LPAR1: variants seen among roughly 807,000 people sequenced by gnomAD.
LPAR1 encodes the protein LPA receptor 1.
A neutral mutation model predicts 23.8 loss-of-function variants in LPAR1; 5 were observed. The observed-to-expected ratio is 0.21, with a 90% CI of 0.11 to 0.44. The LOEUF is 0.44. Ranked by LOEUF, LPAR1 falls within the 20% of genes least tolerant of loss-of-function variation. The pLI, the probability that LPAR1 is intolerant of heterozygous loss-of-function variation, is 0.99. For synonymous variants in LPAR1, 160 were observed against 164.7 expected (o/e 0.97, Z 0.22); for missense variants, 311 against 482.8 (o/e 0.64, Z 3.33).
intron 4 of LPAR1, among the ~76,000 whole-genome samples, chr9:110,971,728 AC>A (rs746942616): frequency 1.3e-5 from 1 of 74,792 alleles, no homozygotes; most frequent in South Asian, 3.9e-4. Flanking sequence ...ACCCCACCCC[AC>A]CCCCCGGCCC....
In LPAR1 at chr9:110,875,328, T is replaced by C; in HGVS notation, c.*93A>G. On this transcript the variant is annotated 3_prime_UTR_variant, in exon 6 of 6. Coordinates refer to ENST00000683809, the MANE Select transcript of LPAR1 (RefSeq NM_001351411.2). Reference sequence around the variant, plus strand: ...TAAGTACATGAGTTGACTTTTCTCCTCTCTCACACCCCACCTTGCCCTGGC... The same window carrying C: ...TAAGTACATGAGTTGACTTTTCTCCCCTCTCACACCCCACCTTGCCCTGGC... 1 of 1,121,394 alleles carries C rather than the reference T, an allele frequency of 8.9e-7. No individual in the cohort carries two copies. Among genetic ancestry groups the C allele is most frequent in the South Asian group, 1.7e-5 (1 of 59,338 alleles). The allele number at this position is 1,121,394 out of a possible 1,614,324, so 69.5% of individuals were successfully genotyped here.
chr9:110,879,182 C>T (rs181935372), intron 5 of LPAR1, among the ~76,000 whole-genome samples: 7 of 152,018 alleles, frequency 4.6e-5, no homozygotes, highest in African/African-American at 9.6e-5. Context: ...TTTGGGAGGC[C>T]GAGGTGGGTG....
chr9:111,002,100 A>C (rs900508917), intron 2 of LPAR1, among the ~76,000 whole-genome samples: 18 of 152,140 alleles, frequency 1.2e-4, no homozygotes, highest in African/African-American at 3.9e-4. Flanking sequence ...TTTACCTGGA[A>C]ATAACAGTGG....
chr9:110,949,694 T>G (rs1433113213), intron 4 of LPAR1, among the ~76,000 whole-genome samples: 1 of 152,312 alleles, frequency 6.6e-6, no homozygotes, highest in East Asian at 1.9e-4. Flanking sequence ...CAACATGAAT[T>G]ATGAGTTAAT....
At chr9:111,034,897 C>T (rs1182922439) in intron 2 of LPAR1, among the ~76,000 whole-genome samples, 1 of 152,178 alleles carries the variant, frequency 6.6e-6, no homozygotes, top group Non-Finnish European at 1.5e-5. Context: ...TGTCTTCATT[C>T]CCCCACCATT....
At chr9:110,951,139 T>C (rs1231735925) in intron 4 of LPAR1, among the ~76,000 whole-genome samples, 3 of 152,138 alleles carry the variant, frequency 2.0e-5, no homozygotes, top group East Asian at 1.9e-4. Context: ...GTAATAATAC[T>C]TAAAAACTGA....
At chr9:110,987,568 C>T (rs969828059) in intron 2 of LPAR1, among the ~76,000 whole-genome samples, 1 of 151,608 alleles carries the variant, frequency 6.6e-6, no homozygotes, top group African/African-American at 2.4e-5. Context: ...AACTCTTTCG[C>T]TATTGCAAGT....
At chr9:110,939,586 G>C (rs1219173233) in intron 5 of LPAR1, among the ~76,000 whole-genome samples, 2 of 152,126 alleles carry the variant, frequency 1.3e-5, no homozygotes, top group Non-Finnish European at 2.9e-5. Context: ...GTGGCATTTA[G>C]GGCAAATGTA....
chr9:110,982,134 T>C (rs2096680245), intron 2 of LPAR1, among the ~76,000 whole-genome samples: 1 of 152,056 alleles, frequency 6.6e-6, no homozygotes, highest in Non-Finnish European at 1.5e-5. Flanking sequence ...GGTATACACC[T>C]AAAAGATTAT....
At chr9:110,966,956 A>G (rs575587687) in intron 4 of LPAR1, among the ~76,000 whole-genome samples, 41 of 152,326 alleles carry the variant, frequency 2.7e-4, no homozygotes, top group Admixed American at 2.6e-3. Context: ...CTAGAAACAG[A>G]AAATGGCTCT....
chr9:110,996,397 A>C (rs886503789), intron 2 of LPAR1, among the ~76,000 whole-genome samples: 4 of 152,126 alleles, frequency 2.6e-5, no homozygotes, highest in African/African-American at 4.8e-5. Context: ...TCTCTACTTA[A>C]AAAATAATAA....
chr9:110,975,613 T>C (rs192184324), intron 2 of LPAR1, among the ~76,000 whole-genome samples: 1 of 152,326 alleles, frequency 6.6e-6, no homozygotes, highest in Non-Finnish European at 1.5e-5. Context: ...ATGGAATCTT[T>C]AAGCAAAAAT....
chr9:110,884,417 T>A (rs2081782848), intron 5 of LPAR1, among the ~76,000 whole-genome samples: 1 of 86,640 alleles, frequency 1.2e-5, no homozygotes, highest in African/African-American at 2.8e-5. Flanking sequence ...TTTATTTTTA[T>A]TTATAATGTG....
chr9:111,006,755 T>C (rs558216671), intron 2 of LPAR1, among the ~76,000 whole-genome samples: 1 of 152,244 alleles, frequency 6.6e-6, no homozygotes, highest in African/African-American at 2.4e-5. Context: ...GAAAATACAG[T>C]AGAATGTTTA....
At chr9:110,935,580 C>G (rs115511402) in intron 5 of LPAR1, among the ~76,000 whole-genome samples, 2 of 152,096 alleles carry the variant, frequency 1.3e-5, no homozygotes, top group Non-Finnish European at 2.9e-5. Flanking sequence ...CTTGAGCTCA[C>G]GAGTTCAACA....
chr9:110,987,525 C>T (rs992437597), intron 2 of LPAR1, among the ~76,000 whole-genome samples: 4 of 151,642 alleles, frequency 2.6e-5, no homozygotes, highest in South Asian at 2.1e-4. Context: ...AATAAAACTC[C>T]AGTCACCCAT....
chr9:110,933,695 G>A (rs1346677430), intron 5 of LPAR1, among the ~76,000 whole-genome samples: 3 of 152,060 alleles, frequency 2.0e-5, no homozygotes, highest in South Asian at 2.1e-4. Context: ...TACCTTTAAC[G>A]ACAAGGAAAA....
At chr9:110,982,148 T>A (rs10980677) in intron 2 of LPAR1, among the ~76,000 whole-genome samples, 38,458 of 152,102 alleles carry the variant, frequency 0.25, 5,178 homozygotes, top group Non-Finnish European at 0.29. Flanking sequence ...AGATTATAAA[T>A]CATTCTACTA....
chr9:110,879,401 G>C (rs934134910), intron 5 of LPAR1, among the ~76,000 whole-genome samples: 4 of 112,272 alleles, frequency 3.6e-5, no homozygotes, highest in Non-Finnish European at 5.0e-5. Flanking sequence ...CTGAGTGACA[G>C]AGCAAGACTC....
Sources: allele counts gnomAD v4.1 joint callset (sites outside exome capture counted in the v4.1 genomes callset), GRCh38; gene constraint gnomAD v4.1.1; transcripts MANE v1.5; gene names NCBI Gene and HGNC (gene_info 2026-07-23, HGNC 2026-07-21).